Variants in ZNF544 observed in about 807,000 individuals in gnomAD.
ZNF544 encodes zinc finger protein 544.
ZNF544 carries 10 observed loss-of-function variants against 13.5 expected under a neutral mutation model. The observed-to-expected ratio is 0.74, with a 90% CI of 0.46 to 1.25. The LOEUF (loss-of-function observed/expected upper bound fraction) is 1.25, where lower values mean the gene tolerates loss of function less well. Among genes scored for constraint, ZNF544 ranks in the 50% most tolerant of loss-of-function variants. ZNF544 has a pLI of 0.00. For missense variants in ZNF544, 896 were observed against 845.6 expected, an observed-to-expected ratio of 1.06 and a Z score of -0.74; for synonymous variants, 323 against 300.5, an observed-to-expected ratio of 1.07 and a Z score of -0.77.
chr19:58,243,756 T>C (rs933318295), intron 3 of ZNF544, among the ~76,000 whole-genome samples: 20 of 152,180 alleles, frequency 1.3e-4, no homozygotes, highest in Non-Finnish European at 2.6e-4. Flanking sequence ...TTGAGGGGGC[T>C]GCTGCGTGTC....
intron 5 of ZNF544, among the ~76,000 whole-genome samples, chr19:58,271,720 T>G (rs996789284): frequency 6.6e-6 from 1 of 152,184 alleles, no homozygotes; most frequent in African/African-American, 2.4e-5. Context: ...TTTGGATAAC[T>G]AACAAATTAT....
intron 6 of ZNF544, among the ~76,000 whole-genome samples, chr19:58,254,978 C>T (rs1490476082): frequency 6.6e-6 from 1 of 151,660 alleles, no homozygotes; most frequent in Non-Finnish European, 1.5e-5. Context: ...AGCTCCGCCT[C>T]CCGGGTTCAC....
chr19:58,276,801 A>G (rs1404784673), intron 6 of ZNF544, among the ~76,000 whole-genome samples: 3 of 152,362 alleles, frequency 2.0e-5, no homozygotes, highest in South Asian at 2.1e-4. Context: ...AAATTTGGTT[A>G]AAGATCGAAT....
chr19:58,269,863 A>G (rs425516), intron 5 of ZNF544, among the ~76,000 whole-genome samples: 79,133 of 151,870 alleles, frequency 0.52, 20,951 homozygotes, highest in Middle Eastern at 0.64. Flanking sequence ...AGAGGTTGCA[A>G]TGAGTCTAGA....
In ZNF544 at chr19:58,275,802, AG is replaced by A. The variant is rs1240672893; in HGVS notation, c.245-519del. On this transcript the variant is annotated intron_variant, in intron 5 of 6. Transcript: ENST00000595981. Reference sequence around the variant, plus strand: ...CTGTCTCAAAAAAAAAAAAAAAAAAAGGAAAGAGGAAATAATAGGACATCAA... The same window carrying A: ...CTGTCTCAAAAAAAAAAAAAAAAAAAGAAAGAGGAAATAATAGGACATCAA... Among the ~76,000 whole-genome samples the A allele has an allele frequency of 8.7e-4, 114 of 131,128 alleles. 1 individual carries two copies. Among genetic ancestry groups the A allele is most frequent in the Admixed American group, 2.3e-3 (28 of 12,214 alleles). 86.0% of individuals were successfully genotyped at this position (131,128 alleles called of 152,430 possible).
rs562027416 is a variant in ZNF544, at chr19:58,235,921, A to G, written c.-60+5459A>G. Among the ~76,000 whole-genome samples the G allele has an allele frequency of 4.4e-3, 660 of 151,704 alleles. 2 individuals are homozygous for G. Among genetic ancestry groups the G allele is most frequent in the African/African-American group, 0.015 (612 of 41,308 alleles). ...ACTAGAAATACAAAATTAGCCAGAC[A>G]TGGTGGCACATGCCTGTAATCCCAG... On this transcript the variant is annotated intron_variant, in intron 3 of 6. Transcript: ENST00000687789.
At position 58,262,928 on chromosome 19, in the gene ZNF544, G is replaced by A; in HGVS notation, c.*174G>A. ...AAAGCCCTACGAATGCATTGATTGT[G>A]GGAAAGCCTTCAATGATCGCTCAAC... is the stretch of plus-strand genomic sequence containing the variant. On this transcript the variant is annotated 3_prime_UTR_variant, in exon 7 of 7. Transcript: ENST00000687789. The A allele has an allele frequency of 6.9e-7, 1 of 1,441,040 alleles. No individual in the cohort carries two copies. Among genetic ancestry groups the A allele is most frequent in the South Asian group, 1.5e-5 (1 of 65,996 alleles). The allele number at this position is 1,441,040 out of a possible 1,614,324, so 89.3% of individuals were successfully genotyped here. A position where few individuals can be genotyped will look rare whatever the true frequency, so the allele number is the denominator to read the frequency against.
intron 6 of ZNF544, among the ~76,000 whole-genome samples, chr19:58,252,128 T>C (rs1052023418): frequency 6.6e-6 from 1 of 152,222 alleles, no homozygotes; most frequent in African/African-American, 2.4e-5. Context: ...TGAGGTCTAA[T>C]TGCCAGTCTT....
chr19:58,249,042 C>G (rs2045874897), intron 6 of ZNF544, among the ~76,000 whole-genome samples: 1 of 152,200 alleles, frequency 6.6e-6, no homozygotes, highest in Non-Finnish European at 1.5e-5. Flanking sequence ...TCATTGGTTG[C>G]AGGAAGAGGT....
exon 7 of ZNF544, chr19:58,277,426 C>A: frequency 2.4e-6 from 1 of 418,826 alleles, no homozygotes; most frequent in Non-Finnish European, 4.1e-6. Context: ...TGGGGGTGAG[C>A]AAATAACAAG....
At position 58,262,606 on chromosome 19, in the gene ZNF544, A is replaced by G; in HGVS notation, c.2000A>G (p.Lys667Arg). ...CCTTTTGAGTGTAGTCAGTGTGGGA[A>G]AGCCTTTTCAGGGAGCTCTAACCTT... ...EKPFECSQCG[K>R]AFSGSSNLLS... The change falls in exon 7 of 7, where the codon AAA (lysine) becomes AGA (arginine). Residue 667 changes from lysine to arginine, a missense_variant. Physicochemically the swap from Lys to Arg is conservative, Grantham distance 26. Transcript: ENST00000687789. The G allele has an allele frequency of 6.2e-7, 1 of 1,614,170 alleles. No homozygotes were observed. Among genetic ancestry groups the G allele is most frequent in the Non-Finnish European group, 8.5e-7 (1 of 1,180,022 alleles).
At chr19:58,245,413 G>T (rs967037443) in intron 4 of ZNF544, among the ~76,000 whole-genome samples, 2 of 151,008 alleles carry the variant, frequency 1.3e-5, no homozygotes, top group Middle Eastern at 3.4e-3. Context: ...CGATTCTCCT[G>T]CTGCAGCCAG....
rs1001510616 is a variant in ZNF544 at position 58,262,423 on chromosome 19, G to T, written c.1817G>T (p.Cys606Phe). ...RTHTGEKPYE[C>F]NECGKAFNRS... is the part of the protein sequence containing the mutation. ...CACACTGGAGAAAAGCCCTATGAAT[G>T]TAACGAGTGTGGAAAAGCCTTCAAT... The change falls in exon 7 of 7, where the codon TGT (cysteine) becomes TTT (phenylalanine). Residue 606 changes from cysteine to phenylalanine, a missense_variant. Coordinates refer to ENST00000687789, the MANE Select transcript of ZNF544 (RefSeq NM_014480.4). 1 of 1,614,104 alleles carries T rather than the reference G, an allele frequency of 6.2e-7. No homozygotes were observed. The highest frequency in any genetic ancestry group is 1.7e-5 in the Admixed American group (1 of 60,000).
chr19:58,254,513 G>T (rs2046861655), intron 6 of ZNF544, among the ~76,000 whole-genome samples: 7 of 152,222 alleles, frequency 4.6e-5, no homozygotes, highest in Admixed American at 4.6e-4. Context: ...AGCCTAGGGT[G>T]TCCCCTTTGG....
chr19:58,246,214 G>A, intron 4 of ZNF544, 87 bp from the exon 5 acceptor site: 1 of 1,576,128 alleles, frequency 6.3e-7, no homozygotes, highest in African/African-American at 1.3e-5. Context: ...TTTTACGGGG[G>A]GACACCAACA....
At chr19:58,273,683 C>T (rs529655586) in intron 5 of ZNF544, among the ~76,000 whole-genome samples, 27 of 142,868 alleles carry the variant, frequency 1.9e-4, no homozygotes, top group African/African-American at 4.2e-4. Context: ...GAGTGAGACT[C>T]TGTCTCAAAA....
At chr19:58,233,306 A>G (rs1037592039) in intron 3 of ZNF544, among the ~76,000 whole-genome samples, 12 of 152,164 alleles carry the variant, frequency 7.9e-5, no homozygotes, top group African/African-American at 2.2e-4. Flanking sequence ...TCAGCCTCCA[A>G]AAGTGCTGGG....
At position 58,260,833 on chromosome 19, in the gene ZNF544, A is replaced by G. The variant is rs915559200; in HGVS notation, c.245-18A>G. 39 of 1,528,318 alleles carry G rather than the reference A, an allele frequency of 2.6e-5. No individual in the cohort carries two copies. The highest frequency in any genetic ancestry group is 3.3e-5 in the Non-Finnish European group (38 of 1,137,808). 94.7% of individuals were successfully genotyped at this position (1,528,318 alleles called of 1,614,324 possible). ...CTGATGCTTCTCCAGTAACTTAGGCATTTTGGATTTCTTTCAGACTGGAAA... is the reference window on the plus strand; with the variant it reads ...CTGATGCTTCTCCAGTAACTTAGGCGTTTTGGATTTCTTTCAGACTGGAAA... On this transcript the variant is annotated intron_variant, in intron 6 of 6. Transcript: ENST00000687789.
intron 6 of ZNF544, 79 bp downstream of exon 6, chr19:58,246,873 A>G: frequency 1.4e-6 from 2 of 1,417,474 alleles, no homozygotes; most frequent in Admixed American, 2.0e-5. Flanking sequence ...CCCAGGGGCC[A>G]AGGAGGGAGC....
Sources: gnomAD v4.1 joint callset for allele counts (sites outside exome capture counted in the v4.1 genomes callset) on GRCh38, gnomAD v4.1.1 for gene constraint, MANE v1.5 for transcripts, NCBI Gene and HGNC (gene_info 2026-07-23, HGNC 2026-07-21) for gene names.